The following SEC14L5 variants were observed in gnomAD, a reference collection of about 807,000 sequenced individuals.
SEC14L5 encodes the protein SEC14-like protein 5.
SEC14L5 carries 96 observed loss-of-function variants against 84.6 expected under a neutral mutation model. The ratio of observed to expected loss-of-function variants is 1.13; its 90% CI spans 0.96 to 1.34. The LOEUF (loss-of-function observed/expected upper bound fraction) is 1.34, where lower values mean the gene tolerates loss of function less well. SEC14L5 is among the 40% of genes most tolerant of loss of function. SEC14L5 has a pLI of 0.00. For missense variants in SEC14L5, 1,224 were observed against 942.5 expected, an observed-to-expected ratio of 1.30 and a Z score of -3.91; for synonymous variants, 546 against 383.4, an observed-to-expected ratio of 1.42 and a Z score of -4.95.
intron 2 of SEC14L5, among the ~76,000 whole-genome samples, chr16:4,961,838 C>A (rs1483994466): frequency 7.2e-5 from 11 of 152,102 alleles, no homozygotes; most frequent in African/African-American, 2.4e-4. Context: ...AGGGTGGGGA[C>A]AGTTTCTCTC....
In SEC14L5 at chr16:4,961,286, G is replaced by GCAACAACAA. The variant is rs1056092235; in HGVS notation, c.63+1910_63+1918dup. Among the ~76,000 whole-genome samples, 1,062 of 145,718 alleles carry GCAACAACAA rather than the reference G, an allele frequency of 7.3e-3. 8 individuals carry two copies. Among genetic ancestry groups the GCAACAACAA allele is most frequent in the African/African-American group, 0.025 (1,008 of 40,274 alleles). Reference sequence around the variant, plus strand: ...AGACTCCGTCTCAACAACAACAACAGCAACAACAACAACAACAAAGTTGCT... The same window carrying GCAACAACAA: ...AGACTCCGTCTCAACAACAACAACAGCAACAACAACAACAACAACAACAACAAAGTTGCT... On this transcript the variant is annotated intron_variant, in intron 2 of 15. Coordinates refer to ENST00000251170, the MANE Select transcript of SEC14L5 (RefSeq NM_014692.2).
rs1955860269 is a variant in SEC14L5 at position 5,015,153 on chromosome 16, G to T, written c.*183G>T. On this transcript the variant is annotated 3_prime_UTR_variant, in exon 16 of 16. Transcript: ENST00000251170. Reference sequence around the variant, plus strand: ...AGAACTGGCCTGTGGGTGGTGTCAGGGCTCTTGAAATTGCAAGGACAGAAC... The same window carrying T: ...AGAACTGGCCTGTGGGTGGTGTCAGTGCTCTTGAAATTGCAAGGACAGAAC... The T allele has an allele frequency of 1.7e-6, 1 of 593,372 alleles. No individual in the cohort carries two copies. The highest frequency in any genetic ancestry group is 3.0e-6 in the Non-Finnish European group (1 of 334,918). The allele number at this position is 593,372 out of a possible 1,614,324, so 36.8% of individuals were successfully genotyped here.
chr16:5,000,085 G>A lies in SEC14L5; in HGVS notation c.971-570G>A, dbSNP rs186505827. Among the ~76,000 whole-genome samples, 147 of 152,212 alleles carry A rather than the reference G, an allele frequency of 9.7e-4. 2 individuals are homozygous for A. The East Asian group carries it at 0.025, about 26-fold the overall frequency. On this transcript the variant is annotated intron_variant, in intron 8 of 15. Transcript: ENST00000251170. Reference sequence around the variant, plus strand: ...GGTGGGTGTACACCTGAGGTCAGGAGTTTGAGACCAGCCTGGCCAAGATGG... The same window carrying A: ...GGTGGGTGTACACCTGAGGTCAGGAATTTGAGACCAGCCTGGCCAAGATGG...
intron 8 of SEC14L5, among the ~76,000 whole-genome samples, chr16:4,998,655 G>A (rs1431635985): frequency 2.0e-5 from 3 of 147,292 alleles, no homozygotes; most frequent in South Asian, 4.4e-4. Context: ...GGAGAATGGC[G>A]TGAACCCGGG....
chr16:4,968,475 G>A (rs978559438), intron 2 of SEC14L5, among the ~76,000 whole-genome samples: 4 of 152,194 alleles, frequency 2.6e-5, no homozygotes. Flanking sequence ...CACGGCGCCC[G>A]GCCGCACCTG....
intron 4 of SEC14L5, among the ~76,000 whole-genome samples, chr16:4,989,092 A>G (rs1397295116): frequency 6.6e-6 from 1 of 152,230 alleles, no homozygotes; most frequent in African/African-American, 2.4e-5. Flanking sequence ...AGGTGAGGCC[A>G]TGGGGCCTAG....
chr16:4,972,161 C>T (rs906206428), intron 2 of SEC14L5, among the ~76,000 whole-genome samples: 3 of 151,934 alleles, frequency 2.0e-5, no homozygotes, highest in Non-Finnish European at 4.4e-5. Flanking sequence ...GCCACCGAAC[C>T]TGGCTAATTT....
intron 6 of SEC14L5, among the ~76,000 whole-genome samples, chr16:4,993,333 C>G (rs558243072): frequency 1.2e-3 from 181 of 152,270 alleles, no homozygotes; most frequent in African/African-American, 4.1e-3. Flanking sequence ...CCTCTGCCTC[C>G]CGGCTTCAAG....
intron 2 of SEC14L5, among the ~76,000 whole-genome samples, chr16:4,982,961 A>G (rs1157023838): frequency 6.6e-6 from 1 of 152,176 alleles, no homozygotes; most frequent in Non-Finnish European, 1.5e-5. Flanking sequence ...AGATATATTC[A>G]TATATAAAAT....
chr16:4,996,509 G>A lies in SEC14L5; in HGVS notation c.780+49G>A, dbSNP rs1049636763. ...GCAGTGGATGAATGGGCAATGACTG[G>A]TACTCAGCCTCCGTGCATGGGAAGG... On this transcript the variant is annotated intron_variant, in intron 7 of 15. Transcript: ENST00000251170. 6 of 961,738 alleles carry A rather than the reference G, an allele frequency of 6.2e-6. No individual in the cohort carries two copies. The African/African-American group carries it at 8.1e-5, about 13-fold the overall frequency. The allele number at this position is 961,738 out of a possible 1,614,324, so 59.6% of individuals were successfully genotyped here. A position where few individuals can be genotyped will look rare whatever the true frequency, so the allele number is the denominator to read the frequency against.
At position 5,015,958 on chromosome 16, in the gene SEC14L5, G is replaced by C. The variant is rs1955871085; in HGVS notation, c.*988G>C. The C allele has an allele frequency of 6.6e-6, 1 of 152,260 alleles. No homozygotes were observed. The highest frequency in any genetic ancestry group is 1.5e-5 in the Non-Finnish European group (1 of 68,050). 9.4% of individuals were successfully genotyped at this position (152,260 alleles called of 1,614,324 possible). A position where few individuals can be genotyped will look rare whatever the true frequency, so the allele number is the denominator to read the frequency against. Reference sequence around the variant, plus strand: ...GAGGCTGTCTGTATACCCCACTGGAGATGCCTTTCTCTCCTAGGGAACTGT... The same window carrying C: ...GAGGCTGTCTGTATACCCCACTGGACATGCCTTTCTCTCCTAGGGAACTGT... On this transcript the variant is annotated 3_prime_UTR_variant, in exon 16 of 16. Transcript: ENST00000251170.
At chr16:4,996,717 G>T in intron 7 of SEC14L5, 138 bp from the exon 8 acceptor site, 2 of 686,148 alleles carry the variant, frequency 2.9e-6, no homozygotes, top group Non-Finnish European at 2.4e-6. Flanking sequence ...GGTTACAGGC[G>T]CACACCACCA....
intron 4 of SEC14L5, among the ~76,000 whole-genome samples, chr16:4,990,325 G>A (rs1955539384): frequency 6.6e-6 from 1 of 152,036 alleles, no homozygotes; most frequent in South Asian, 2.1e-4. Flanking sequence ...ACCATCTCTG[G>A]CTAATTTTTG....
rs900367164 is a variant in SEC14L5, at chr16:5,015,433, G to C, written c.*463G>C. 6.2e-6 allele frequency: 1 copy of C among 161,054 alleles called. No homozygotes were observed. The highest frequency in any genetic ancestry group is 1.4e-5 in the Non-Finnish European group (1 of 73,026). 10.0% of individuals were successfully genotyped at this position (161,054 alleles called of 1,614,324 possible). A position where few individuals can be genotyped will look rare whatever the true frequency, so the allele number is the denominator to read the frequency against. Reference sequence around the variant, plus strand: ...CCCAGAGCTGAGTCTTAGCCTGGAAGGGGGAGCGATTGCCAGGTCAATTCC... The same window carrying C: ...CCCAGAGCTGAGTCTTAGCCTGGAACGGGGAGCGATTGCCAGGTCAATTCC... On this transcript the variant is annotated 3_prime_UTR_variant, in exon 16 of 16. Transcript: ENST00000251170.
intron 6 of SEC14L5, among the ~76,000 whole-genome samples, 179 bp from the exon 7 acceptor site, chr16:4,996,169 G>A (rs754186011): frequency 6.6e-6 from 1 of 152,192 alleles, no homozygotes; most frequent in Middle Eastern, 3.2e-3. Flanking sequence ...CCTTGGACAT[G>A]GGCTGGAGAA....
intron 2 of SEC14L5, among the ~76,000 whole-genome samples, chr16:4,966,715 G>A (rs1371883021): frequency 6.6e-6 from 1 of 152,086 alleles, no homozygotes; most frequent in Non-Finnish European, 1.5e-5. Flanking sequence ...TAGCAGGTGG[G>A]GACTCAACTT....
chr16:5,009,652 C>CT (rs1205711566), intron 14 of SEC14L5, among the ~76,000 whole-genome samples: 12 of 152,042 alleles, frequency 7.9e-5, no homozygotes, highest in Admixed American at 7.2e-4. Context: ...CACAAAGACT[C>CT]TATTTCCAGA....
chr16:5,006,808 G>A (rs1044252770), intron 12 of SEC14L5, among the ~76,000 whole-genome samples: 1 of 152,116 alleles, frequency 6.6e-6, no homozygotes, highest in African/African-American at 2.4e-5. Flanking sequence ...ACAGTGTCCT[G>A]CTAATCCCAG....
intron 13 of SEC14L5, 146 bp downstream of exon 13, chr16:5,007,632 G>A: frequency 1.4e-6 from 1 of 715,182 alleles, no homozygotes; most frequent in Admixed American, 3.1e-5. Context: ...TTGGGATGGA[G>A]TCTCGCTCTG....
Sources: allele counts gnomAD v4.1 joint callset (sites outside exome capture counted in the v4.1 genomes callset), GRCh38; gene constraint gnomAD v4.1.1; transcripts MANE v1.5; gene names NCBI Gene and HGNC (gene_info 2026-07-23, HGNC 2026-07-21).